The following SLC5A1 variants were observed in gnomAD, a reference collection of about 807,000 sequenced individuals.
SLC5A1 encodes the protein solute carrier family 5 member 1.
In SLC5A1, 42 loss-of-function variants were observed where a neutral mutation model predicts 73.5. That is an observed-to-expected ratio of 0.57 (90% CI 0.45 to 0.74). The LOEUF is 0.74. SLC5A1 is among the 30% of genes least tolerant of loss of function. The pLI, the probability that SLC5A1 is intolerant of heterozygous loss-of-function variation, is 0.00. For missense variants in SLC5A1, 634 were observed against 855.4 expected, an observed-to-expected ratio of 0.74 and a Z score of 3.23; for synonymous variants, 300 against 317.4, an observed-to-expected ratio of 0.95 and a Z score of 0.58.
At chr22:32,109,758 G>A (rs565836689) in intron 14 of SLC5A1, among the ~76,000 whole-genome samples, 1 of 152,162 alleles carries the variant, frequency 6.6e-6, no homozygotes, top group Non-Finnish European at 1.5e-5. Flanking sequence ...ACTTAGACTA[G>A]CTGATCCTAA....
chr22:32,061,542 A>G lies in SLC5A1; in HGVS notation c.208-5393A>G, dbSNP rs2093963039. Among the ~76,000 whole-genome samples the G allele has an allele frequency of 7.2e-5, 11 of 152,362 alleles. 1 individual carries two copies. The South Asian group carries it at 2.3e-3, about 32-fold the overall frequency. ...GCCAAACCCTGGAGGGACTAAAGTA[A>G]AAAGAATTTAAGTGATAGAGCCATT... is the stretch of plus-strand genomic sequence containing the variant. On this transcript the variant is annotated intron_variant, in intron 2 of 14. Transcript: ENST00000266088.
chr22:32,092,420 A>G (rs1476033039), intron 11 of SLC5A1, among the ~76,000 whole-genome samples: 1 of 152,108 alleles, frequency 6.6e-6, no homozygotes, highest in Non-Finnish European at 1.5e-5. Flanking sequence ...TGCGTGTGCA[A>G]ACATCTTTTT....
In SLC5A1 at chr22:32,043,322, C is replaced by T. The variant is rs2149481647; in HGVS notation, c.41C>T (p.Thr14Ile). The change falls in exon 1 of 15, where the codon ACC becomes ATC. Residue 14 changes from threonine to isoleucine, a missense_variant. By Grantham distance (89) the Thr-to-Ile change is moderately conservative. Coordinates refer to ENST00000266088, the MANE Select transcript of SLC5A1 (RefSeq NM_000343.4). The surrounding 1 kb of genome is among the most constrained non-coding windows in gnomAD (Gnocchi z 6.5). ...TGGAGCCCCAAGACCACCGCGGTCA[C>T]CCGGCCTGTTGAGACCCACGAGCTC... ...STWSPKTTAV[T>I]RPVETHELIR... 1 of 1,614,220 alleles carries T rather than the reference C, an allele frequency of 6.2e-7. No homozygotes were observed. The highest frequency in any genetic ancestry group is 1.1e-5 in the South Asian group (1 of 91,076).
At chr22:32,086,453 G>A (rs1013616595) in intron 10 of SLC5A1, 126 bp downstream of exon 10, 14 of 726,412 alleles carry the variant, frequency 1.9e-5, no homozygotes, top group African/African-American at 3.5e-5. Flanking sequence ...AGAAGGGAAA[G>A]CATCATTGTG....
At position 32,107,097 on chromosome 22, in the gene SLC5A1, C is replaced by T. The variant is rs74745735; in HGVS notation, c.1771+2206C>T. ...TACCTTTCAATTCTAAAACTTGTGA[C>T]TGCAAATACTGGAGAGAGCCTGGAG... On this transcript the variant is annotated intron_variant, in intron 14 of 14. Coordinates refer to ENST00000266088, the MANE Select transcript of SLC5A1 (RefSeq NM_000343.4). Among the ~76,000 whole-genome samples, 506 of 152,266 alleles carry T rather than the reference C, an allele frequency of 3.3e-3. 2 individuals carry two copies. Among genetic ancestry groups the T allele is most frequent in the African/African-American group, 0.012 (489 of 41,564 alleles).
chr22:32,054,511 G>A (rs138620663), intron 2 of SLC5A1, among the ~76,000 whole-genome samples: 44 of 152,274 alleles, frequency 2.9e-4, no homozygotes, highest in Non-Finnish European at 5.3e-4. Context: ...GAGCATTCAG[G>A]TTGAGATTTG....
At chr22:32,095,947 G>A (rs2094025588) in intron 11 of SLC5A1, among the ~76,000 whole-genome samples, 1 of 152,158 alleles carries the variant, frequency 6.6e-6, no homozygotes, top group Non-Finnish European at 1.5e-5. Context: ...CCCCAGTGAG[G>A]GTCTGTGTTT....
chr22:32,063,106 T>C (rs1465318707), intron 2 of SLC5A1, among the ~76,000 whole-genome samples: 1 of 152,090 alleles, frequency 6.6e-6, no homozygotes, highest in African/African-American at 2.4e-5. Flanking sequence ...AGGACACCAA[T>C]CCTATCAGAT....
intron 11 of SLC5A1, among the ~76,000 whole-genome samples, chr22:32,094,816 A>ATTT (rs563240057): frequency 2.1e-5 from 3 of 146,186 alleles, no homozygotes; most frequent in African/African-American, 7.5e-5. Context: ...TATCTTTTGT[A>ATTT]TTTTTTTTTT....
intron 2 of SLC5A1, among the ~76,000 whole-genome samples, chr22:32,061,436 G>A (rs2093962814): frequency 6.6e-6 from 1 of 151,992 alleles, no homozygotes; most frequent in Admixed American, 6.6e-5. Context: ...AAGTCAGTAG[G>A]GAGAAATGAT....
rs111569100 is a variant in SLC5A1 at position 32,060,130 on chromosome 22, CAT to C, written c.208-6797_208-6796del. On this transcript the variant is annotated intron_variant, in intron 2 of 14. Transcript: ENST00000266088. ...ACACACACATATATATACATACACACATATATATACACATACACACACACACA... is the reference window on the plus strand; with the variant it reads ...ACACACACATATATATACATACACACATATATACACATACACACACACACA... Among the ~76,000 whole-genome samples the C allele has an allele frequency of 1.8e-3, 125 of 70,388 alleles. 1 individual carries two copies. The highest frequency in any genetic ancestry group is 4.1e-3 in the African/African-American group (120 of 29,160). 46.2% of individuals were successfully genotyped at this position (70,388 alleles called of 152,430 possible).
rs199691443 is a variant in SLC5A1 at position 32,067,064 on chromosome 22, C to T, written c.312+25C>T. Reference sequence around the variant, plus strand: ...TGTGAGTAACACTGCAGCCATGGTGCACTGGGGCTGGAAGGAGCCTTAGCA... The same window carrying T: ...TGTGAGTAACACTGCAGCCATGGTGTACTGGGGCTGGAAGGAGCCTTAGCA... On this transcript the variant is annotated intron_variant, in intron 3 of 14. Coordinates refer to ENST00000266088, the MANE Select transcript of SLC5A1 (RefSeq NM_000343.4). 1.8e-4 allele frequency: 282 copies of T among 1,538,888 alleles called. 1 individual carries two copies. The highest frequency in any genetic ancestry group is 1.8e-3 in the African/African-American group (131 of 73,568).
intron 1 of SLC5A1, 69 bp from the exon 2 acceptor site, chr22:32,049,874 G>T (rs1225634136): frequency 2.5e-6 from 3 of 1,198,302 alleles, no homozygotes; most frequent in Admixed American, 1.7e-5. Flanking sequence ...GAATGGGGAG[G>T]TATGTCCTTT....
chr22:32,082,608 G>T (rs2094001752), intron 6 of SLC5A1, among the ~76,000 whole-genome samples: 1 of 152,078 alleles, frequency 6.6e-6, no homozygotes, highest in Admixed American at 6.5e-5. Context: ...TTTGCAGAGG[G>T]GTCACTCTGC....
At chr22:32,098,802 A>G (rs556791153) in intron 11 of SLC5A1, among the ~76,000 whole-genome samples, 1 of 152,210 alleles carries the variant, frequency 6.6e-6, no homozygotes, top group East Asian at 1.9e-4. Flanking sequence ...ATACTCATGT[A>G]GAGGCCGGGT....
At chr22:32,050,127 C>T in intron 2 of SLC5A1, 113 bp downstream of exon 2, 2 of 953,134 alleles carry the variant, frequency 2.1e-6, no homozygotes. Context: ...AGGATCCCAA[C>T]CAGATTCTTG....
In SLC5A1 at chr22:32,068,524, A is replaced by G; in HGVS notation, c.401A>G (p.Lys134Arg). ...GTGACAATGCCAGAGTACCTGAGGA[A>G]GCGGTTTGGAGGCCAGCGGATCCAG... ...GVVTMPEYLR[K>R]RFGGQRIQVY... Residue 134 changes from lysine to arginine, a missense_variant, in exon 5 of 15, where the codon AAG becomes AGG. Physicochemically the swap from Lys to Arg is conservative, Grantham distance 26. This residue lies in a region of SLC5A1 where 422 missense variants were observed against 626.1 expected (regional missense o/e 0.67). Transcript: ENST00000266088. 3 of 1,613,812 alleles carry G rather than the reference A, an allele frequency of 1.9e-6. No individual in the cohort carries two copies. Among genetic ancestry groups the G allele is most frequent in the Non-Finnish European group, 2.5e-6 (3 of 1,179,886 alleles).
chr22:32,069,177 T>C (rs2093978896), intron 5 of SLC5A1, among the ~76,000 whole-genome samples: 1 of 152,212 alleles, frequency 6.6e-6, no homozygotes, highest in Non-Finnish European at 1.5e-5. Flanking sequence ...TGAAATAGGC[T>C]AGGCACAGAA....
chr22:32,060,014 T>G (rs868120034), intron 2 of SLC5A1, among the ~76,000 whole-genome samples: 1 of 137,606 alleles, frequency 7.3e-6, no homozygotes, highest in African/African-American at 2.8e-5. Flanking sequence ...GCCATGGTTA[T>G]ACACACACAC....
Sources: allele counts gnomAD v4.1 joint callset (sites outside exome capture counted in the v4.1 genomes callset), GRCh38; gene constraint gnomAD v4.1.1; regional missense constraint gnomAD v4.1.1; non-coding constraint Gnocchi (gnomAD v3.1); transcripts MANE v1.5; gene names NCBI Gene and HGNC (gene_info 2026-07-23, HGNC 2026-07-21).